ZC3H12C: variants seen among roughly 807,000 people sequenced by gnomAD.
The protein encoded by ZC3H12C is zinc finger CCCH-type containing 12C.
In ZC3H12C, 20 loss-of-function variants were observed where a neutral mutation model predicts 76.3. The ratio of observed to expected loss-of-function variants is 0.26; its 90% CI spans 0.18 to 0.38. The LOEUF is 0.38. Ranked by LOEUF, ZC3H12C falls within the 10% of genes least tolerant of loss-of-function variation. The probability of loss-of-function intolerance (pLI) is 1.00; values close to 1 mark genes in which losing one functional copy is unlikely to be tolerated. For missense variants in ZC3H12C, 874 were observed against 1,086.5 expected, an observed-to-expected ratio of 0.80 and a Z score of 2.75; for synonymous variants, 352 against 399.6, an observed-to-expected ratio of 0.88 and a Z score of 1.42.
rs370541143 is a variant in ZC3H12C at position 110,113,333 on chromosome 11, T to C, written c.21+19901T>C. 9.2e-5 allele frequency among the ~76,000 whole-genome samples: 14 copies of C among 152,302 alleles called. 2 individuals are homozygous for C. In the South Asian group the frequency reaches 2.5e-3, roughly 27 times the overall value. On this transcript the variant is annotated intron_variant, in intron 1 of 5. Coordinates refer to ENST00000278590, the MANE Select transcript of ZC3H12C (RefSeq NM_033390.2). ...CAATGTTAATAGCAGTATTCACCCA[T>C]AGAAATGATGTTTCCCTACATATTA...
At chr11:110,128,820 T>G (rs1187477376) in intron 1 of ZC3H12C, among the ~76,000 whole-genome samples, 3 of 150,662 alleles carry the variant, frequency 2.0e-5, no homozygotes, top group Admixed American at 1.3e-4. Context: ...GTGGCCCTTC[T>G]CTTATTCTTT....
At chr11:110,127,535 G>A (rs961204583) in intron 1 of ZC3H12C, among the ~76,000 whole-genome samples, 1 of 151,940 alleles carries the variant, frequency 6.6e-6, no homozygotes, top group Non-Finnish European at 1.5e-5. Flanking sequence ...TAATTTCAAC[G>A]TTTTGGGGAC....
chr11:110,135,257 A>G (rs147379818), intron 1 of ZC3H12C, among the ~76,000 whole-genome samples: 3 of 152,284 alleles, frequency 2.0e-5, no homozygotes, highest in Non-Finnish European at 4.4e-5. Flanking sequence ...TGGGAGGCCA[A>G]GGCGGGCAGA....
rs560451281 is a variant in ZC3H12C, at chr11:110,118,389, G to A, written c.22-18274G>A. Among the ~76,000 whole-genome samples, 179 of 152,164 alleles carry A rather than the reference G, an allele frequency of 1.2e-3. 1 individual carries two copies. The highest frequency in any genetic ancestry group is 4.2e-3 in the African/African-American group (173 of 41,516). On this transcript the variant is annotated intron_variant, in intron 1 of 5. Transcript: ENST00000278590. ...TTTTTCACTGAAGTTTTGTGTATAA[G>A]AATAGGTGTTTCTTTAGACATGAAC...
In ZC3H12C at chr11:110,096,322, A is replaced by G. The variant is rs941767470; in HGVS notation, c.21+2890A>G. On this transcript the variant is annotated intron_variant, in intron 1 of 5. Transcript: ENST00000278590. ...AGTAATTTTTGGCATCTGATAGTAT[A>G]AAGATAACTGCAGATATGTGTTGTG... Among the ~76,000 whole-genome samples the G allele has an allele frequency of 3.3e-5, 5 of 152,250 alleles. 1 individual carries two copies. The South Asian group carries it at 6.2e-4, about 19-fold the overall frequency.
chr11:110,105,985 C>CGAATTTGTATTTCTGT (rs1861318282), intron 1 of ZC3H12C, among the ~76,000 whole-genome samples: 1 of 75,348 alleles, frequency 1.3e-5, no homozygotes, highest in Non-Finnish European at 2.8e-5. Context: ...AAAAGTTATA[C>CGAATTTGTATTTCTGT]CAGCCGGGCG....
intron 1 of ZC3H12C, among the ~76,000 whole-genome samples, chr11:110,135,255 C>T (rs1565259365): frequency 6.6e-6 from 1 of 151,994 alleles, no homozygotes; most frequent in South Asian, 2.1e-4. Flanking sequence ...TTTGGGAGGC[C>T]AAGGCGGGCA....
In ZC3H12C at chr11:110,158,281, G is replaced by A. The variant is rs142522839; in HGVS notation, c.914-975G>A. ...TCCCAGCACTTTGGGAGGCTGAGGCGGGTGGATCACCTGAGGTCAGGAGTT... is the reference window on the plus strand; with the variant it reads ...TCCCAGCACTTTGGGAGGCTGAGGCAGGTGGATCACCTGAGGTCAGGAGTT... On this transcript the variant is annotated intron_variant, in intron 3 of 5. Coordinates refer to ENST00000278590, the MANE Select transcript of ZC3H12C (RefSeq NM_033390.2). Among the ~76,000 whole-genome samples, 642 of 152,200 alleles carry A rather than the reference G, an allele frequency of 4.2e-3. 2 individuals carry two copies. The highest frequency in any genetic ancestry group is 0.014 in the African/African-American group (562 of 41,520).
chr11:110,100,086 A>G (rs1032661378), intron 1 of ZC3H12C, among the ~76,000 whole-genome samples: 7 of 152,150 alleles, frequency 4.6e-5, no homozygotes, highest in Non-Finnish European at 8.8e-5. Context: ...TTACCTTGTT[A>G]GTAGTCTTTA....
At chr11:110,160,592 A>G (rs1862461471) in intron 4 of ZC3H12C, among the ~76,000 whole-genome samples, 1 of 152,164 alleles carries the variant, frequency 6.6e-6, no homozygotes, top group Admixed American at 6.5e-5. Context: ...AGGATCATCA[A>G]AATCACTGTC....
At chr11:110,125,270 AGT>A (rs59512764) in intron 1 of ZC3H12C, among the ~76,000 whole-genome samples, 3,524 of 138,546 alleles carry the variant, frequency 0.025, 47 homozygotes, top group Non-Finnish European at 0.029. Context: ...ATCTCTCACT[AGT>A]GTGTGTGTGT....
chr11:110,146,571 T>C (rs953474150), intron 2 of ZC3H12C, among the ~76,000 whole-genome samples: 2 of 152,220 alleles, frequency 1.3e-5, no homozygotes, highest in African/African-American at 2.4e-5. Context: ...CCTCAGTCTC[T>C]TCCAGCATCC....
At position 110,168,010 on chromosome 11, in the gene ZC3H12C, A is replaced by AAATTAT. The variant is rs1179050666; in HGVS notation, c.*2275_*2280dup. On this transcript the variant is annotated 3_prime_UTR_variant, in exon 6 of 6. Coordinates refer to ENST00000278590, the MANE Select transcript of ZC3H12C (RefSeq NM_033390.2). Reference sequence around the variant, plus strand: ...TTCTTTTTAGTATGAAATCACTTTTAAATTATACATGTAGGTTTTGCTTCC... The same window carrying AAATTAT: ...TTCTTTTTAGTATGAAATCACTTTTAAATTATAATTATACATGTAGGTTTTGCTTCC... 6.6e-6 allele frequency: 1 copy of AAATTAT among 152,154 alleles called. No individual in the cohort carries two copies. The highest frequency in any genetic ancestry group is 2.4e-5 in the African/African-American group (1 of 41,450). The allele number at this position is 152,154 out of a possible 1,614,324, so 9.4% of individuals were successfully genotyped here. A position where few individuals can be genotyped will look rare whatever the true frequency, so the allele number is the denominator to read the frequency against.
chr11:110,119,247 T>C (rs612320), intron 1 of ZC3H12C, among the ~76,000 whole-genome samples: 107,866 of 152,054 alleles, frequency 0.71, 38,588 homozygotes, highest in East Asian at 0.89. Context: ...TCAAAACCCT[T>C]CAGCAGTTTC....
At chr11:110,117,831 TA>T (rs1431517798) in intron 1 of ZC3H12C, among the ~76,000 whole-genome samples, 2 of 126,754 alleles carry the variant, frequency 1.6e-5, no homozygotes, top group African/African-American at 6.1e-5. Flanking sequence ...CACACACATA[TA>T]ATATATATAT....
intron 3 of ZC3H12C, among the ~76,000 whole-genome samples, chr11:110,158,637 G>C (rs983053665): frequency 1.3e-5 from 2 of 152,148 alleles, no homozygotes; most frequent in African/African-American, 4.8e-5. Context: ...CAAGAATGCT[G>C]GCATTTGTCA....
chr11:110,120,350 T>G (rs1233111994), intron 1 of ZC3H12C, among the ~76,000 whole-genome samples: 1 of 152,158 alleles, frequency 6.6e-6, no homozygotes, highest in Non-Finnish European at 1.5e-5. Flanking sequence ...ACAAAGCCCA[T>G]CTAACAGTCA....
At chr11:110,148,791 C>A (rs1862215948) in intron 2 of ZC3H12C, among the ~76,000 whole-genome samples, 1 of 152,226 alleles carries the variant, frequency 6.6e-6, no homozygotes, top group Non-Finnish European at 1.5e-5. Flanking sequence ...GGTGAATGTT[C>A]TCTATTTATA....
chr11:110,130,134 C>T (rs1439485993), intron 1 of ZC3H12C, among the ~76,000 whole-genome samples: 2 of 152,056 alleles, frequency 1.3e-5, no homozygotes, highest in African/African-American at 4.8e-5. Flanking sequence ...TCTTTAATTA[C>T]GTGGTTAACT....
Sources: allele counts gnomAD v4.1 joint callset (sites outside exome capture counted in the v4.1 genomes callset), GRCh38; gene constraint gnomAD v4.1.1; transcripts MANE v1.5; gene names NCBI Gene and HGNC (gene_info 2026-07-23, HGNC 2026-07-21).